Variants in PCDHAC1 observed in about 807,000 individuals in gnomAD.
PCDHAC1 encodes the protein protocadherin alpha subfamily C, 1.
Under a neutral mutation model 60.0 loss-of-function variants are expected in PCDHAC1, and 42 were observed. The ratio of observed to expected loss-of-function variants is 0.70; its 90% CI spans 0.55 to 0.90. PCDHAC1 has a LOEUF of 0.90. Among genes scored for constraint, PCDHAC1 ranks in the 40% least tolerant of loss-of-function variants. The pLI is 0.00. For missense variants in PCDHAC1, 1,160 were observed against 1,222.3 expected (o/e 0.95, Z 0.76); for synonymous variants, 468 against 499.3 (o/e 0.94, Z 0.84).
chr5:141,002,090 A>G (rs1554258504), intron 3 of PCDHAC1, among the ~76,000 whole-genome samples: 1 of 152,254 alleles, frequency 6.6e-6, no homozygotes, highest in Non-Finnish European at 1.5e-5. Context: ...CGAGCAGTCC[A>G]GGGGCTGGGC....
At chr5:141,007,015 A>G (rs1342063703) in intron 3 of PCDHAC1, among the ~76,000 whole-genome samples, 1 of 152,210 alleles carries the variant, frequency 6.6e-6, no homozygotes, top group Non-Finnish European at 1.5e-5. Flanking sequence ...TCATCAGCTT[A>G]TTCATATGGT....
chr5:140,953,267 C>G (rs902465304), intron 1 of PCDHAC1, among the ~76,000 whole-genome samples: 4 of 152,068 alleles, frequency 2.6e-5, no homozygotes, highest in African/African-American at 4.8e-5. Flanking sequence ...TTAGCTTTAG[C>G]CTTTGCTCTT....
chr5:140,927,099 T>G lies in PCDHAC1; in HGVS notation c.207T>G (p.Asp69Glu), dbSNP rs782352775. 10 of 1,613,434 alleles carry G rather than the reference T, an allele frequency of 6.2e-6. No homozygotes were observed. In the South Asian group the frequency reaches 7.7e-5, roughly 12 times the overall value. Residue 69 changes from aspartate to glutamate, a missense_variant, in exon 1 of 4, where the codon GAT (aspartate) becomes GAG (glutamate). By Grantham distance (45) the Asp-to-Glu change is conservative. Around this residue, in one of 3 missense-constraint regions of PCDHAC1, gnomAD observed 1,113 missense variants for 1,163.7 expected, o/e 0.96. Coordinates refer to ENST00000253807, the MANE Select transcript of PCDHAC1 (RefSeq NM_018898.5). The stretch of plus-strand genomic sequence containing the variant: ...ACCGCGAGCTCTACTTCGGGGTGGA[T>G]CTACCCAGCGGCAATTTGGTGGTCA... ...SSHRELYFGVDLPSGNLVVRE... is the reference protein window; with the variant it reads ...SSHRELYFGVELPSGNLVVRE...
At chr5:140,983,340 A>G (rs148799902) in intron 3 of PCDHAC1, among the ~76,000 whole-genome samples, 114 of 152,358 alleles carry the variant, frequency 7.5e-4, no homozygotes, top group African/African-American at 2.2e-3. Flanking sequence ...TCACTAAAGC[A>G]GGGTCATGTA....
At chr5:140,946,506 A>G (rs1231345135) in intron 1 of PCDHAC1, among the ~76,000 whole-genome samples, 1 of 151,616 alleles carries the variant, frequency 6.6e-6, no homozygotes, top group Non-Finnish European at 1.5e-5. Context: ...CAGTATGTCA[A>G]AGACCTATCC....
At chr5:140,953,419 C>T (rs2094885258) in intron 1 of PCDHAC1, among the ~76,000 whole-genome samples, 2 of 152,134 alleles carry the variant, frequency 1.3e-5, no homozygotes, top group Admixed American at 1.3e-4. Context: ...GGCTCCTCCC[C>T]TTTGTCCTTA....
In PCDHAC1 at chr5:140,927,071, GCCA is replaced by G. The variant is rs2083808355; in HGVS notation, c.182_184del (p.His61del). On this transcript the variant is annotated inframe_deletion, in exon 1 of 4. Coordinates refer to ENST00000253807, the MANE Select transcript of PCDHAC1 (RefSeq NM_018898.5). ...TCGCGGAACTTTCGCTTCCTTTCCAGCCACCGCGAGCTCTACTTCGGGGTGGAT... is the reference window on the plus strand; with the variant it reads ...TCGCGGAACTTTCGCTTCCTTTCCAGCCGCGAGCTCTACTTCGGGGTGGAT... 7 of 1,610,970 alleles carry G rather than the reference GCCA, an allele frequency of 4.3e-6. No homozygotes were observed. The highest frequency in any genetic ancestry group is 5.9e-6 in the Non-Finnish European group (7 of 1,177,870).
chr5:140,930,423 A>G (rs1366004853), intron 1 of PCDHAC1: 3 of 151,862 alleles, frequency 2.0e-5, no homozygotes, highest in African/African-American at 7.3e-5. Flanking sequence ...GGGTCTCACT[A>G]TGTTGCCCAG....
chr5:140,969,464 C>A, intron 1 of PCDHAC1: 1 of 1,491,558 alleles, frequency 6.7e-7, no homozygotes. Flanking sequence ...ATATAGTATC[C>A]ACAATTTGAT....
chr5:140,967,576 A>T (rs2096159229), intron 1 of PCDHAC1: 1 of 1,613,838 alleles, frequency 6.2e-7, no homozygotes, highest in African/African-American at 1.3e-5. Context: ...GGGAGGACTC[A>T]CCCCCAGGCA....
chr5:140,926,353 C>T lies in PCDHAC1; in HGVS notation c.-540C>T, dbSNP rs1402316154. 6.6e-6 allele frequency: 1 copy of T among 152,272 alleles called. No homozygotes were observed. Among genetic ancestry groups the T allele is most frequent in the Non-Finnish European group, 1.5e-5 (1 of 68,112 alleles). 9.4% of individuals were successfully genotyped at this position (152,272 alleles called of 1,614,324 possible). A position where few individuals can be genotyped will look rare whatever the true frequency, so the allele number is the denominator to read the frequency against. On this transcript the variant is annotated 5_prime_UTR_variant, in exon 1 of 4. Transcript: ENST00000253807. ...GAGCGCCGGGACCCGACGCGCGGCT[C>T]CCAAAGGGCGGCAGGAAGAGCCCAG... is the stretch of plus-strand genomic sequence containing the variant.
intron 1 of PCDHAC1, chr5:140,967,921 C>T (rs781932025): frequency 6.2e-6 from 10 of 1,614,172 alleles, no homozygotes; most frequent in South Asian, 4.4e-5. Flanking sequence ...CCATTGTGGC[C>T]GTTCTCAGTG....
At position 140,982,388 on chromosome 5, in the gene PCDHAC1, A is replaced by G. The variant is rs868944535; in HGVS notation, c.2493-87A>G. 32 of 1,592,320 alleles carry G rather than the reference A, an allele frequency of 2.0e-5. 1 individual carries two copies. The Middle Eastern group carries it at 4.6e-3, about 226-fold the overall frequency. Reference sequence around the variant, plus strand: ...ATGTGTTAGCTGCAGCCCTGGCTTCATAGTTGTAAGCAATTTCTGAGGGTG... The same window carrying G: ...ATGTGTTAGCTGCAGCCCTGGCTTCGTAGTTGTAAGCAATTTCTGAGGGTG... On this transcript the variant is annotated intron_variant, in intron 2 of 3. Coordinates refer to ENST00000253807, the MANE Select transcript of PCDHAC1 (RefSeq NM_018898.5).
chr5:140,966,850 CCTGCTGCTGTTG>C (rs1409933796), intron 1 of PCDHAC1: 1 of 1,572,784 alleles, frequency 6.4e-7, no homozygotes, highest in Non-Finnish European at 8.6e-7. Context: ...TACTGCCTCT[CCTGCTGCTGTTG>C]CTGCTGCTGC....
chr5:140,941,191 T>TTTTTTC (rs1554213809), intron 1 of PCDHAC1, among the ~76,000 whole-genome samples: 1 of 93,206 alleles, frequency 1.1e-5, no homozygotes, highest in African/African-American at 3.9e-5. Context: ...GCTTCTTTTT[T>TTTTTTC]TTTCTTTCTT....
chr5:140,994,275 T>C (rs1296337913), intron 3 of PCDHAC1, among the ~76,000 whole-genome samples: 1 of 152,156 alleles, frequency 6.6e-6, no homozygotes, highest in African/African-American at 2.4e-5. Flanking sequence ...AGGCTGCCTT[T>C]CTTGAGACAG....
chr5:140,943,616 C>T (rs1221074220), intron 1 of PCDHAC1, among the ~76,000 whole-genome samples: 3 of 152,048 alleles, frequency 2.0e-5, no homozygotes, highest in African/African-American at 7.3e-5. Context: ...TTTGATTCAT[C>T]TGCATAAGGA....
chr5:141,006,343 C>T (rs1036137270), intron 3 of PCDHAC1, among the ~76,000 whole-genome samples: 41 of 152,038 alleles, frequency 2.7e-4, no homozygotes, highest in African/African-American at 8.9e-4. Context: ...TCCTGAGTAG[C>T]TGGGACTATA....
intron 3 of PCDHAC1, 116 bp downstream of exon 3, chr5:140,982,679 C>T: frequency 7.0e-7 from 1 of 1,436,546 alleles, no homozygotes; most frequent in Non-Finnish European, 9.2e-7. Flanking sequence ...TTGTTATTCC[C>T]TTTTTTCCAT....
Sources: allele counts gnomAD v4.1 joint callset (sites outside exome capture counted in the v4.1 genomes callset), GRCh38; gene constraint gnomAD v4.1.1; regional missense constraint gnomAD v4.1.1; transcripts MANE v1.5; gene names NCBI Gene and HGNC (gene_info 2026-07-23, HGNC 2026-07-21).